The following TOMM70 variants were observed in gnomAD, a reference collection of about 807,000 sequenced individuals.
TOMM70 encodes mitochondrial import receptor subunit TOM70.
In TOMM70, 13 loss-of-function variants were observed where a neutral mutation model predicts 73.6. The observed-to-expected ratio is 0.18, with a 90% CI of 0.11 to 0.28. The LOEUF is 0.28. TOMM70 is among the 10% of genes least tolerant of loss of function. The pLI is 1.00. For missense variants in TOMM70, 609 were observed against 747.5 expected, an observed-to-expected ratio of 0.81 and a Z score of 2.16; for synonymous variants, 257 against 271.2, an observed-to-expected ratio of 0.95 and a Z score of 0.51.
chr3:100,392,320 A>G (rs1337981091), intron 1 of TOMM70, among the ~76,000 whole-genome samples: 1 of 152,228 alleles, frequency 6.6e-6, no homozygotes, highest in African/African-American at 2.4e-5. Flanking sequence ...CATAAATCCA[A>G]TATTATTCAA....
intron 5 of TOMM70, 63 bp from the exon 6 acceptor site, chr3:100,377,975 G>A (rs981180251): frequency 3.0e-5 from 43 of 1,441,820 alleles, no homozygotes; most frequent in Admixed American, 2.5e-4. Flanking sequence ...GGCTGGGTGT[G>A]GTGGCTCACG....
chr3:100,379,117 T>C lies in TOMM70; in HGVS notation c.885-1205A>G, dbSNP rs1559832172. Among the ~76,000 whole-genome samples the C allele has an allele frequency of 2.0e-5, 3 of 152,222 alleles. No individual in the cohort carries two copies. In the South Asian group the frequency reaches 6.2e-4, roughly 32 times the overall value. ...ACTTTAAAAAACACCCTTCTGTATGTTTTAAAAAGCAGTGAGCACAGTATC... is the reference window on the plus strand; with the variant it reads ...ACTTTAAAAAACACCCTTCTGTATGCTTTAAAAAGCAGTGAGCACAGTATC... On this transcript the variant is annotated intron_variant, in intron 5 of 11. Transcript: ENST00000284320.
At chr3:100,370,650 T>TATACAC (rs892856167) in intron 9 of TOMM70, among the ~76,000 whole-genome samples, 9 of 152,120 alleles carry the variant, frequency 5.9e-5, no homozygotes, top group Non-Finnish European at 1.3e-4. Flanking sequence ...AGTATATATA[T>TATACAC]ATACACATAC....
rs760904426 is a variant in TOMM70 at position 100,400,914 on chromosome 3, G to A, written c.36C>T (p.Val12=). ...TCCCGGAGCTCGGTACAGCGGCTGC[G>A]ACCACCGCTGCCTCCACAGGTTTAG... The part of the protein sequence containing the change: ...AASKPVEAAV[V]AAAVPSSGSG... The change falls in exon 1 of 12, where the codon GTC becomes GTT. Residue 12 remains valine, a synonymous_variant. Transcript: ENST00000284320. 3.6e-5 allele frequency: 55 copies of A among 1,531,744 alleles called. No individual in the cohort carries two copies. The African/African-American group carries it at 5.7e-4, about 16-fold the overall frequency. 94.9% of individuals were successfully genotyped at this position (1,531,744 alleles called of 1,614,324 possible).
At chr3:100,386,375 A>G (rs1184213535) in intron 2 of TOMM70, 31 bp from the exon 3 acceptor site, 2 of 1,581,060 alleles carry the variant, frequency 1.3e-6, no homozygotes, top group East Asian at 4.5e-5. Context: ...AAAAAGTCAC[A>G]CTAAAGAAAG....
chr3:100,392,451 T>C (rs1706774188), intron 1 of TOMM70, among the ~76,000 whole-genome samples: 1 of 152,162 alleles, frequency 6.6e-6, no homozygotes, highest in Admixed American at 6.5e-5. Flanking sequence ...AGAGTCTTGC[T>C]CTGTCACCCA....
rs1026506549 is a variant in TOMM70, at chr3:100,364,732, A to G, written c.*832T>C. The G allele has an allele frequency of 6.6e-6, 1 of 152,090 alleles. No homozygotes were observed. Among genetic ancestry groups the G allele is most frequent in the African/African-American group, 2.4e-5 (1 of 41,418 alleles). The allele number at this position is 152,090 out of a possible 1,614,324, so 9.4% of individuals were successfully genotyped here. A position where few individuals can be genotyped will look rare whatever the true frequency, so the allele number is the denominator to read the frequency against. The stretch of plus-strand genomic sequence containing the variant: ...TATATACAGTGCCACTGTACCCTCT[A>G]TCCTACATTTTTAAAAGCTCACCAT... On this transcript the variant is annotated 3_prime_UTR_variant, in exon 12 of 12. Transcript: ENST00000284320.
rs1212074044 is a variant in TOMM70 at position 100,364,579 on chromosome 3, T to G, written c.*985A>C. 1 of 144,882 alleles carries G rather than the reference T, an allele frequency of 6.9e-6. No individual in the cohort carries two copies. The highest frequency in any genetic ancestry group is 1.6e-5 in the Non-Finnish European group (1 of 63,688). 9.0% of individuals were successfully genotyped at this position (144,882 alleles called of 1,614,324 possible). A position where few individuals can be genotyped will look rare whatever the true frequency, so the allele number is the denominator to read the frequency against. ...CTAAAATTTTTTAAAGGATGGGGTCTTGCTATATTGCCCAGGCTGGAGTGC... is the reference window on the plus strand; with the variant it reads ...CTAAAATTTTTTAAAGGATGGGGTCGTGCTATATTGCCCAGGCTGGAGTGC... On this transcript the variant is annotated 3_prime_UTR_variant, in exon 12 of 12. Transcript: ENST00000284320.
Position 100,365,415 on chromosome 3 carries a change from C to G in TOMM70, c.*149G>C. 8.2e-7 allele frequency: 1 copy of G among 1,219,270 alleles called. No individual in the cohort carries two copies. Among genetic ancestry groups the G allele is most frequent in the Non-Finnish European group, 1.1e-6 (1 of 882,178 alleles). 75.5% of individuals were successfully genotyped at this position (1,219,270 alleles called of 1,614,324 possible). A position where few individuals can be genotyped will look rare whatever the true frequency, so the allele number is the denominator to read the frequency against. Reference sequence around the variant, plus strand: ...CCTTCAACAGCCACACCCACAACACCTAGACATGAAACAGATGTAACAAAT... The same window carrying G: ...CCTTCAACAGCCACACCCACAACACGTAGACATGAAACAGATGTAACAAAT... On this transcript the variant is annotated 3_prime_UTR_variant, in exon 12 of 12. Transcript: ENST00000284320.
At chr3:100,378,396 G>A (rs1451237321) in intron 5 of TOMM70, among the ~76,000 whole-genome samples, 2 of 152,132 alleles carry the variant, frequency 1.3e-5, no homozygotes, top group African/African-American at 2.4e-5. Flanking sequence ...GGGGCGGTGC[G>A]GTTAAACAGA....
chr3:100,400,232 T>G (rs1044080464), intron 1 of TOMM70, among the ~76,000 whole-genome samples: 2 of 152,134 alleles, frequency 1.3e-5, no homozygotes, highest in African/African-American at 4.8e-5. Flanking sequence ...CTCTTAGCGA[T>G]TAGGTTGTAG....
chr3:100,390,495 A>G (rs1706746001), intron 1 of TOMM70, among the ~76,000 whole-genome samples: 1 of 152,242 alleles, frequency 6.6e-6, no homozygotes, highest in Non-Finnish European at 1.5e-5. Flanking sequence ...TGCTGCCGGT[A>G]TAAACAAACC....
rs1559837337 is a variant in TOMM70, at chr3:100,400,985, G to C, written c.-36C>G. On this transcript the variant is annotated 5_prime_UTR_variant, in exon 1 of 12. Coordinates refer to ENST00000284320, the MANE Select transcript of TOMM70 (RefSeq NM_014820.5). ...CTCTGCCACCGCCTCCCTGTCTGTC[G>C]CGAGCGCCACAATCACCAAACAGCG... 10 of 1,521,314 alleles carry C rather than the reference G, an allele frequency of 6.6e-6. No homozygotes were observed. Among genetic ancestry groups the C allele is most frequent in the Non-Finnish European group, 7.9e-6 (9 of 1,138,554 alleles). The allele number at this position is 1,521,314 out of a possible 1,614,324, so 94.2% of individuals were successfully genotyped here.
At chr3:100,390,377 A>C (rs770604876) in intron 1 of TOMM70, among the ~76,000 whole-genome samples, 2 of 152,222 alleles carry the variant, frequency 1.3e-5, no homozygotes, top group Non-Finnish European at 2.9e-5. Flanking sequence ...TTAGTCAATA[A>C]CAGACTGAAT....
At chr3:100,368,795 C>T (rs1055751727) in intron 10 of TOMM70, among the ~76,000 whole-genome samples, 4 of 152,196 alleles carry the variant, frequency 2.6e-5, no homozygotes, top group Middle Eastern at 3.4e-3. Context: ...AGGAGGGTTT[C>T]GAACTCCCAA....
intron 1 of TOMM70, 46 bp downstream of exon 1, chr3:100,400,579 GC>G: frequency 1.9e-6 from 3 of 1,580,386 alleles, no homozygotes; most frequent in East Asian, 2.3e-5. Context: ...CCAAGGAAAA[GC>G]TGCACGAGCC....
chr3:100,376,981 A>T (rs2148890621), intron 6 of TOMM70, among the ~76,000 whole-genome samples: 1 of 152,206 alleles, frequency 6.6e-6, no homozygotes, highest in East Asian at 1.9e-4. Context: ...TGAAAATCTC[A>T]TTTTGAAAGA....
intron 1 of TOMM70, among the ~76,000 whole-genome samples, chr3:100,391,433 A>G (rs971956300): frequency 6.6e-6 from 1 of 152,184 alleles, no homozygotes; most frequent in African/African-American, 2.4e-5. Flanking sequence ...AGGGATACTG[A>G]TGATTCTGAC....
rs1706441479 is a variant in TOMM70 at position 100,365,681 on chromosome 3, T to C, written c.1710A>G (p.Lys570=). The change falls in exon 12 of 12, where the codon AAA becomes AAG. Residue 570 remains lysine, a synonymous_variant. Coordinates refer to ENST00000284320, the MANE Select transcript of TOMM70 (RefSeq NM_014820.5). ...NMEKAIDMFN[K]AINLAKSEME... ...TTTCCGATTTGGCCAGGTTAATAGC[T>C]TTGTTGAACATGTCAATGGCTTTCT... 1 of 1,614,096 alleles carries C rather than the reference T, an allele frequency of 6.2e-7. No individual in the cohort carries two copies. The highest frequency in any genetic ancestry group is 1.3e-5 in the African/African-American group (1 of 74,942).
Sources: allele counts gnomAD v4.1 joint callset (sites outside exome capture counted in the v4.1 genomes callset), GRCh38; gene constraint gnomAD v4.1.1; transcripts MANE v1.5; gene names NCBI Gene and HGNC (gene_info 2026-07-23, HGNC 2026-07-21).